The following ST6GALNAC3 variants were observed in gnomAD, a reference collection of about 807,000 sequenced individuals.
The protein encoded by ST6GALNAC3 is alpha-N-acetylgalactosaminide alpha-2,6-sialyltransferase 3.
Under a neutral mutation model 32.7 loss-of-function variants are expected in ST6GALNAC3, and 25 were observed. The observed-to-expected ratio is 0.76, with a 90% CI of 0.56 to 1.07. The LOEUF is 1.07. Among genes scored for constraint, ST6GALNAC3 ranks in the 50% least tolerant of loss-of-function variants. The probability of loss-of-function intolerance (pLI) is 0.00; values close to 1 mark genes in which losing one functional copy is unlikely to be tolerated. For missense variants in ST6GALNAC3, 355 were observed against 382.4 expected, an observed-to-expected ratio of 0.93 and a Z score of 0.60; for synonymous variants, 129 against 133.1, an observed-to-expected ratio of 0.97 and a Z score of 0.21.
At chr1:76,143,426 C>CGTGT (rs1557651201) in intron 1 of ST6GALNAC3, among the ~76,000 whole-genome samples, 43 of 76,980 alleles carry the variant, frequency 5.6e-4, no homozygotes, top group South Asian at 1.9e-3. Flanking sequence ...TGTGTGTGTC[C>CGTGT]GTCTGTGTGT....
chr1:76,541,940 G>A (rs1055080542), intron 3 of ST6GALNAC3, among the ~76,000 whole-genome samples: 1 of 152,136 alleles, frequency 6.6e-6, no homozygotes, highest in African/African-American at 2.4e-5. Context: ...CACCCCTTCT[G>A]TCTTAGCAGA....
intron 1 of ST6GALNAC3, among the ~76,000 whole-genome samples, chr1:76,183,871 T>TATATATATATATATATATAC (rs1557679634): frequency 1.4e-5 from 2 of 146,766 alleles, no homozygotes; most frequent in African/African-American, 5.0e-5. Flanking sequence ...TATATATATA[T>TATATATATATATATATATAC]ATGTATGTTA....
At chr1:76,477,729 G>C (rs1289873106) in intron 3 of ST6GALNAC3, among the ~76,000 whole-genome samples, 1 of 152,158 alleles carries the variant, frequency 6.6e-6, no homozygotes, top group African/African-American at 2.4e-5. Context: ...CCAAGGGAGA[G>C]CACACTGTCC....
At chr1:76,122,080 T>C (rs1648914477) in intron 1 of ST6GALNAC3, among the ~76,000 whole-genome samples, 1 of 152,176 alleles carries the variant, frequency 6.6e-6, no homozygotes, top group African/African-American at 2.4e-5. Flanking sequence ...TCCAAGCACT[T>C]GGCACGACTG....
In ST6GALNAC3 at chr1:76,629,994, T is replaced by C. The variant is rs1026168272; in HGVS notation, c.*1188T>C. On this transcript the variant is annotated 3_prime_UTR_variant, in exon 5 of 5. Coordinates refer to ENST00000328299, the MANE Select transcript of ST6GALNAC3 (RefSeq NM_152996.4). ...TATGCCACAATAACAACAATAATAATGTTCTTAATGTCCAAAGTGCTTTGT... is the reference window on the plus strand; with the variant it reads ...TATGCCACAATAACAACAATAATAACGTTCTTAATGTCCAAAGTGCTTTGT... 4 of 985,024 alleles carry C rather than the reference T, an allele frequency of 4.1e-6. No individual in the cohort carries two copies. In the African/African-American group the frequency reaches 7.0e-5, roughly 17 times the overall value. 61.0% of individuals were successfully genotyped at this position (985,024 alleles called of 1,614,324 possible).
chr1:76,320,374 A>G (rs1646943373), intron 2 of ST6GALNAC3, among the ~76,000 whole-genome samples: 1 of 152,104 alleles, frequency 6.6e-6, no homozygotes, highest in South Asian at 2.1e-4. Flanking sequence ...CTTTAGTCCT[A>G]ATCGTGTGGC....
chr1:76,233,184 A>G (rs939400780), intron 1 of ST6GALNAC3, among the ~76,000 whole-genome samples: 3 of 152,190 alleles, frequency 2.0e-5, no homozygotes, highest in African/African-American at 7.2e-5. Flanking sequence ...TAATATTACT[A>G]TTACAACTAT....
At chr1:76,218,309 T>C (rs1010781720) in intron 1 of ST6GALNAC3, among the ~76,000 whole-genome samples, 3 of 152,234 alleles carry the variant, frequency 2.0e-5, no homozygotes, top group Non-Finnish European at 4.4e-5. Context: ...AGAGCAGTCC[T>C]GCAGCCTTTC....
intron 3 of ST6GALNAC3, among the ~76,000 whole-genome samples, chr1:76,446,534 T>G (rs1656982689): frequency 6.6e-6 from 1 of 152,174 alleles, no homozygotes; most frequent in Non-Finnish European, 1.5e-5. Context: ...CTTGTTACTA[T>G]CTCCTTAGCT....
chr1:76,598,725 A>G (rs1647175595), intron 3 of ST6GALNAC3, among the ~76,000 whole-genome samples: 1 of 148,866 alleles, frequency 6.7e-6, no homozygotes, highest in African/African-American at 2.6e-5. Flanking sequence ...TCTGCCATAA[A>G]TGCTTCACAA....
intron 3 of ST6GALNAC3, among the ~76,000 whole-genome samples, chr1:76,513,520 T>C (rs1407260169): frequency 6.6e-6 from 1 of 152,210 alleles, no homozygotes; most frequent in African/African-American, 2.4e-5. Flanking sequence ...CCATAATGTC[T>C]TGGTACTTAC....
At chr1:76,322,032 C>T (rs2100925456) in intron 2 of ST6GALNAC3, among the ~76,000 whole-genome samples, 1 of 152,170 alleles carries the variant, frequency 6.6e-6, no homozygotes, top group South Asian at 2.1e-4. Context: ...TATTACAGAG[C>T]CTTAGGTAGA....
chr1:76,167,309 G>A (rs1053382785), intron 1 of ST6GALNAC3, among the ~76,000 whole-genome samples: 7 of 152,130 alleles, frequency 4.6e-5, no homozygotes, highest in Non-Finnish European at 8.8e-5. Flanking sequence ...TAATTGATTT[G>A]CATGTGTTGA....
intron 1 of ST6GALNAC3, among the ~76,000 whole-genome samples, chr1:76,278,018 A>T (rs904690076): frequency 3.3e-5 from 5 of 152,088 alleles, no homozygotes; most frequent in Admixed American, 3.3e-4. Flanking sequence ...AAATTTTATA[A>T]TAATCTTGGA....
chr1:76,522,563 T>C (rs191881483), intron 3 of ST6GALNAC3, among the ~76,000 whole-genome samples: 1 of 152,340 alleles, frequency 6.6e-6, no homozygotes, highest in East Asian at 1.9e-4. Context: ...TGGTACTGTA[T>C]GTATCCATTT....
Position 76,586,177 on chromosome 1 carries a change from T to G in ST6GALNAC3, c.624-41275T>G, listed in dbSNP as rs1456015167. Among the ~76,000 whole-genome samples, 5 of 152,338 alleles carry G rather than the reference T, an allele frequency of 3.3e-5. No individual in the cohort carries two copies. The East Asian group carries it at 9.7e-4, about 29-fold the overall frequency. On this transcript the variant is annotated intron_variant, in intron 3 of 4. Coordinates refer to ENST00000328299, the MANE Select transcript of ST6GALNAC3 (RefSeq NM_152996.4). Reference sequence around the variant, plus strand: ...ATAAATATTCATGTGCATTGCATTTTGCTCACAGGCACTGTATAAACTATA... The same window carrying G: ...ATAAATATTCATGTGCATTGCATTTGGCTCACAGGCACTGTATAAACTATA...
At chr1:76,242,254 A>G (rs1224454266) in intron 1 of ST6GALNAC3, among the ~76,000 whole-genome samples, 3 of 152,102 alleles carry the variant, frequency 2.0e-5, no homozygotes, top group African/African-American at 7.2e-5. Flanking sequence ...TAATCACAAA[A>G]AAAAGAGTAC....
At chr1:76,264,959 G>T (rs1043210333) in intron 1 of ST6GALNAC3, among the ~76,000 whole-genome samples, 1 of 150,088 alleles carries the variant, frequency 6.7e-6, no homozygotes, top group Admixed American at 6.6e-5. Flanking sequence ...ATAAGACAGT[G>T]GTACTTTTAA....
chr1:76,338,054 C>T (rs1647651758), intron 2 of ST6GALNAC3, among the ~76,000 whole-genome samples: 1 of 152,140 alleles, frequency 6.6e-6, no homozygotes, highest in Non-Finnish European at 1.5e-5. Flanking sequence ...AACAGCTGCC[C>T]TGCGTGGGGG....
Sources: allele counts gnomAD v4.1 joint callset (sites outside exome capture counted in the v4.1 genomes callset), GRCh38; gene constraint gnomAD v4.1.1; transcripts MANE v1.5; gene names NCBI Gene and HGNC (gene_info 2026-07-23, HGNC 2026-07-21).